CNTN5: variants seen among roughly 807,000 people sequenced by gnomAD.
CNTN5 encodes the protein contactin 5.
Under a neutral mutation model 129.1 loss-of-function variants are expected in CNTN5, and 77 were observed. The observed-to-expected ratio is 0.60, with a 90% CI of 0.50 to 0.72. The LOEUF (loss-of-function observed/expected upper bound fraction) is 0.72. Ranked by LOEUF, CNTN5 falls within the 30% of genes least tolerant of loss-of-function variation. The pLI, the probability that CNTN5 is intolerant of heterozygous loss-of-function variation, is 0.00. For missense variants in CNTN5, 1,478 were observed against 1,328.8 expected, an observed-to-expected ratio of 1.11 and a Z score of -1.75; for synonymous variants, 509 against 465.6, an observed-to-expected ratio of 1.09 and a Z score of -1.20.
At chr11:99,088,323 ATATGCT>A (rs529326783) in intron 1 of CNTN5, among the ~76,000 whole-genome samples, 73 of 152,262 alleles carry the variant, frequency 4.8e-4, no homozygotes, top group African/African-American at 1.7e-3. Flanking sequence ...AGACTGGTAA[ATATGCT>A]TATATGATTT....
intron 7 of CNTN5, among the ~76,000 whole-genome samples, chr11:99,921,057 C>T (rs1949926749): frequency 6.6e-6 from 1 of 152,112 alleles, no homozygotes; most frequent in South Asian, 2.1e-4. Flanking sequence ...AAAGAAAGCC[C>T]TCATCAGAAA....
intron 13 of CNTN5, among the ~76,000 whole-genome samples, chr11:100,154,658 A>G (rs1378623563): frequency 6.6e-6 from 1 of 152,070 alleles, no homozygotes; most frequent in African/African-American, 2.4e-5. Context: ...AAGCCCTCCA[A>G]TCTCTCCACA....
chr11:100,043,847 T>G (rs536892515), intron 9 of CNTN5, among the ~76,000 whole-genome samples: 5 of 150,700 alleles, frequency 3.3e-5, no homozygotes, highest in Non-Finnish European at 7.4e-5. Flanking sequence ...GTTGTATTTC[T>G]AATTAGGTCA....
In CNTN5 at chr11:99,388,697, T is replaced by G. The variant is rs552307598; in HGVS notation, c.-71+63213T>G. Among the ~76,000 whole-genome samples, 302 of 152,272 alleles carry G rather than the reference T, an allele frequency of 2.0e-3. 2 individuals are homozygous for G. Among genetic ancestry groups the G allele is most frequent in the Admixed American group, 9.5e-3 (145 of 15,284 alleles). On this transcript the variant is annotated intron_variant, in intron 2 of 24. Coordinates refer to ENST00000524871, the MANE Select transcript of CNTN5 (RefSeq NM_014361.4). Reference sequence around the variant, plus strand: ...GTCAGTGAAAGAAAGAACACGAAACTTTTTACACCTGCTACTATACATACA... The same window carrying G: ...GTCAGTGAAAGAAAGAACACGAAACGTTTTACACCTGCTACTATACATACA...
Position 99,844,054 on chromosome 11 carries a change from T to C in CNTN5, c.278-798T>C, listed in dbSNP as rs527278398. Reference sequence around the variant, plus strand: ...TGACATTTGAAGTCCATTTTTAGTTTCACTTTCTTCATGAAATTTTCATTA... The same window carrying C: ...TGACATTTGAAGTCCATTTTTAGTTCCACTTTCTTCATGAAATTTTCATTA... On this transcript the variant is annotated intron_variant, in intron 4 of 24. Transcript: ENST00000524871. 2.6e-5 allele frequency among the ~76,000 whole-genome samples: 4 copies of C among 152,314 alleles called. No individual in the cohort carries two copies. The East Asian group carries it at 7.7e-4, about 29-fold the overall frequency.
intron 16 of CNTN5, among the ~76,000 whole-genome samples, chr11:100,253,456 T>C (rs1400660755): frequency 1.3e-5 from 2 of 152,126 alleles, no homozygotes. Flanking sequence ...ACCTCCTCTA[T>C]GAAATGGGGA....
chr11:99,205,853 A>T (rs992299886), intron 1 of CNTN5, among the ~76,000 whole-genome samples: 1 of 152,140 alleles, frequency 6.6e-6, no homozygotes. Flanking sequence ...GAAAAGGCTC[A>T]TTGGAGGATT....
intron 6 of CNTN5, among the ~76,000 whole-genome samples, chr11:99,863,040 C>A (rs933785377): frequency 1.3e-4 from 19 of 151,992 alleles, no homozygotes; most frequent in African/African-American, 4.3e-4. Flanking sequence ...AAATATTAAT[C>A]ATAATAAACT....
intron 18 of CNTN5, among the ~76,000 whole-genome samples, chr11:100,286,076 T>C (rs561658520): frequency 6.6e-5 from 10 of 152,298 alleles, no homozygotes; most frequent in African/African-American, 2.2e-4. Flanking sequence ...AACACGAGAT[T>C]ATATCCCGCA....
intron 13 of CNTN5, among the ~76,000 whole-genome samples, chr11:100,172,488 G>A (rs972652399): frequency 2.0e-5 from 3 of 152,030 alleles, no homozygotes; most frequent in African/African-American, 7.2e-5. Flanking sequence ...AGAAGTATAA[G>A]AGGACAGAGG....
intron 21 of CNTN5, among the ~76,000 whole-genome samples, chr11:100,329,514 A>G (rs906150200): frequency 5.9e-5 from 9 of 152,346 alleles, no homozygotes; most frequent in East Asian, 1.9e-4. Context: ...CTGGAGGCCA[A>G]CTAACCCAAA....
At chr11:99,340,564 G>A (rs1866464952) in intron 2 of CNTN5, among the ~76,000 whole-genome samples, 1 of 152,170 alleles carries the variant, frequency 6.6e-6, no homozygotes, top group African/African-American at 2.4e-5. Context: ...GGTTAGATAA[G>A]AAGTTAGGAG....
chr11:99,410,136 A>T (rs1942324343), intron 2 of CNTN5, among the ~76,000 whole-genome samples: 1 of 152,236 alleles, frequency 6.6e-6, no homozygotes, highest in South Asian at 2.1e-4. Context: ...TAATGACTTG[A>T]TAGAAGAGTA....
intron 2 of CNTN5, among the ~76,000 whole-genome samples, chr11:99,548,162 G>A (rs12049894): frequency 0.089 from 13,445 of 151,822 alleles, 1,192 homozygotes; most frequent in East Asian, 0.34. Context: ...TCTCTGTAAG[G>A]ATTTATTTTT....
chr11:99,485,356 CTA>C (rs2135329016), intron 2 of CNTN5, among the ~76,000 whole-genome samples: 1 of 151,924 alleles, frequency 6.6e-6, no homozygotes. Flanking sequence ...AAAGTGGTAA[CTA>C]TGTGTCATTA....
At chr11:99,719,493 T>G (rs1446653560) in intron 3 of CNTN5, among the ~76,000 whole-genome samples, 2 of 151,948 alleles carry the variant, frequency 1.3e-5, no homozygotes, top group African/African-American at 4.8e-5. Flanking sequence ...AAACAAAGGA[T>G]GAAGATGAAG....
At chr11:99,382,516 A>G (rs1165111298) in intron 2 of CNTN5, among the ~76,000 whole-genome samples, 2 of 152,062 alleles carry the variant, frequency 1.3e-5, no homozygotes, top group Non-Finnish European at 2.9e-5. Context: ...AATAGTTCCT[A>G]TTTTCTTTCT....
At position 99,378,314 on chromosome 11, in the gene CNTN5, A is replaced by G. The variant is rs566053000; in HGVS notation, c.-71+52830A>G. On this transcript the variant is annotated intron_variant, in intron 2 of 24. Coordinates refer to ENST00000524871, the MANE Select transcript of CNTN5 (RefSeq NM_014361.4). ...CTTCTTACTTAGACATTCATTTGCTAGTCATCCTACCCACTTTTATTTTTC... is the reference window on the plus strand; with the variant it reads ...CTTCTTACTTAGACATTCATTTGCTGGTCATCCTACCCACTTTTATTTTTC... 1.6e-4 allele frequency among the ~76,000 whole-genome samples: 24 copies of G among 152,212 alleles called. No homozygotes were observed. In the South Asian group the frequency reaches 5.0e-3, roughly 32 times the overall value.
intron 3 of CNTN5, among the ~76,000 whole-genome samples, chr11:99,623,259 G>T (rs919862439): frequency 6.6e-6 from 1 of 152,048 alleles, no homozygotes. Flanking sequence ...CAAATTATGT[G>T]GGGAGTTATT....
Sources: allele counts gnomAD v4.1 joint callset (sites outside exome capture counted in the v4.1 genomes callset), GRCh38; gene constraint gnomAD v4.1.1; transcripts MANE v1.5; gene names NCBI Gene and HGNC (gene_info 2026-07-23, HGNC 2026-07-21).